Variants in PCDH15 observed in about 807,000 individuals in gnomAD.
PCDH15 encodes the protein protocadherin related 15, also known as protocadherin-15.
PCDH15 carries 129 observed loss-of-function variants against 178.5 expected under a neutral mutation model. The ratio of observed to expected loss-of-function variants is 0.72; its 90% CI spans 0.63 to 0.84. The LOEUF is 0.84. PCDH15 is among the 40% of genes least tolerant of loss of function. The pLI is 0.00. For synonymous variants in PCDH15, 800 were observed against 732.0 expected, an observed-to-expected ratio of 1.09 and a Z score of -1.50; for missense variants, 2,230 against 2,099.9, an observed-to-expected ratio of 1.06 and a Z score of -1.21.
chr10:54,256,113 G>A (rs1423321345), intron 8 of PCDH15, among the ~76,000 whole-genome samples: 1 of 152,132 alleles, frequency 6.6e-6, no homozygotes, highest in African/African-American at 2.4e-5. Context: ...CCACTGTCTT[G>A]TAAGAGCACT....
At chr10:53,979,567 C>T (rs1049752108) in intron 21 of PCDH15, among the ~76,000 whole-genome samples, 2 of 152,150 alleles carry the variant, frequency 1.3e-5, no homozygotes, top group South Asian at 2.1e-4. Context: ...TGCTAATTTT[C>T]GCATTGACAG....
At chr10:54,309,342 C>T (rs1239723164) in intron 8 of PCDH15, among the ~76,000 whole-genome samples, 4 of 151,544 alleles carry the variant, frequency 2.6e-5, no homozygotes, top group African/African-American at 9.7e-5. Flanking sequence ...CACACACACA[C>T]ACACACACAC....
chr10:54,058,919 C>T (rs2093957189), intron 18 of PCDH15, among the ~76,000 whole-genome samples: 1 of 152,092 alleles, frequency 6.6e-6, no homozygotes, highest in African/African-American at 2.4e-5. Context: ...GTCTCAAACT[C>T]CCGACCTCAG....
intron 1 of PCDH15, among the ~76,000 whole-genome samples, chr10:55,216,829 C>T (rs1318583433): frequency 6.6e-6 from 1 of 151,746 alleles, no homozygotes; most frequent in African/African-American, 2.4e-5. Context: ...GGCTGTTTTC[C>T]GTCAGGTTGT....
chr10:55,363,794 C>T (rs1039026713), intron 2 of PCDH15, among the ~76,000 whole-genome samples: 1 of 151,984 alleles, frequency 6.6e-6, no homozygotes, highest in Non-Finnish European at 1.5e-5. Flanking sequence ...CACCACCACA[C>T]CCCACTAACT....
chr10:54,607,909 T>G (rs1565729680), intron 2 of PCDH15: 2 of 524,176 alleles, frequency 3.8e-6, no homozygotes, highest in Admixed American at 4.0e-5. Context: ...ACAGTTTTTG[T>G]CTTTGAAAGT....
chr10:55,216,943 T>C (rs868267603), intron 1 of PCDH15, among the ~76,000 whole-genome samples: 29 of 151,932 alleles, frequency 1.9e-4, no homozygotes, highest in Admixed American at 1.4e-3. Context: ...ACAAACTCTT[T>C]CTGTGAATTC....
At chr10:54,863,671 G>A (rs1953887506) in intron 3 of PCDH15, among the ~76,000 whole-genome samples, 1 of 152,172 alleles carries the variant, frequency 6.6e-6, no homozygotes, top group African/African-American at 2.4e-5. Context: ...TGATCCAAGT[G>A]TTGGAAATGC....
chr10:54,574,979 G>A (rs2133662801), intron 2 of PCDH15, among the ~76,000 whole-genome samples: 1 of 149,060 alleles, frequency 6.7e-6, no homozygotes, highest in East Asian at 2.0e-4. Context: ...CATAAAAAAT[G>A]ATGAGTTCAT....
At chr10:54,792,049 G>A (rs1326573474) in intron 1 of PCDH15, among the ~76,000 whole-genome samples, 2 of 151,836 alleles carry the variant, frequency 1.3e-5, no homozygotes, top group Non-Finnish European at 2.9e-5. Context: ...AGACCTAAGG[G>A]CCAACAACAA....
At chr10:55,121,368 C>G (rs1198547849) in intron 2 of PCDH15, among the ~76,000 whole-genome samples, 1 of 135,756 alleles carries the variant, frequency 7.4e-6, no homozygotes, top group Non-Finnish European at 1.6e-5. Flanking sequence ...TGGGGGGGGG[C>G]AATTTGCCTT....
At chr10:54,992,507 C>T (rs556052046) in intron 2 of PCDH15, among the ~76,000 whole-genome samples, 256 of 152,198 alleles carry the variant, frequency 1.7e-3, no homozygotes, top group African/African-American at 5.9e-3. Flanking sequence ...AATCCCAGCA[C>T]TTTGGGAGGC....
chr10:53,888,310 G>GTATGTACATATATACGTA, intron 26 of PCDH15, among the ~76,000 whole-genome samples: 1 of 28,710 alleles, frequency 3.5e-5, no homozygotes, highest in East Asian at 1.5e-3. Flanking sequence ...ATATATATAT[G>GTATGTACATATATACGTA]TATATATGTA....
In PCDH15 at chr10:54,853,943, C is replaced by T. The variant is rs185849614; in HGVS notation, c.-29+43507G>A. ...CTTTTGCCCAAGTTTTGCTCAGGCC[C>T]GCTGGGTTCGTTTTGCCCACTTGGC... On this transcript the variant is annotated intron_variant, in intron 3 of 5. Coordinates refer to the PCDH15 transcript ENST00000458638. 1.6e-3 allele frequency among the ~76,000 whole-genome samples: 237 copies of T among 152,294 alleles called. 4 individuals are homozygous for T. The highest frequency in any genetic ancestry group is 2.9e-3 in the Non-Finnish European group (198 of 68,024).
chr10:54,655,292 G>GAGAGAGAGAGAGAGAGAC (rs1565866271), intron 2 of PCDH15, among the ~76,000 whole-genome samples: 21 of 121,134 alleles, frequency 1.7e-4, no homozygotes, highest in Non-Finnish European at 2.4e-4. Flanking sequence ...GAGAGAGAGA[G>GAGAGAGAGAGAGAGAGAC]AGAGAGAGAG....
intron 2 of PCDH15, among the ~76,000 whole-genome samples, chr10:55,382,516 A>G (rs566821789): frequency 2.0e-5 from 3 of 152,318 alleles, no homozygotes; most frequent in Admixed American, 6.5e-5. Flanking sequence ...ATGAGCTGGA[A>G]AAAGGAAAAC....
intron 1 of PCDH15, among the ~76,000 whole-genome samples, chr10:54,731,563 T>TATATATACAC: frequency 8.0e-5 from 4 of 49,926 alleles, no homozygotes; most frequent in Admixed American, 1.5e-4. Flanking sequence ...TATATATATA[T>TATATATACAC]ACACACACAC....
At chr10:55,076,764 CTT>C (rs902966495) in intron 2 of PCDH15, among the ~76,000 whole-genome samples, 20 of 106,778 alleles carry the variant, frequency 1.9e-4, no homozygotes, top group South Asian at 1.6e-3. Context: ...GGCCTGTGAC[CTT>C]TTTTTTTTTT....
chr10:53,878,215 AAT>A (rs140273411), intron 26 of PCDH15, among the ~76,000 whole-genome samples: 3,126 of 127,356 alleles, frequency 0.025, 44 homozygotes, highest in Non-Finnish European at 0.031. Flanking sequence ...ACACACTTTG[AAT>A]ATATATATAT....
Sources: gnomAD v4.1 joint callset for allele counts (sites outside exome capture counted in the v4.1 genomes callset) on GRCh38, gnomAD v4.1.1 for gene constraint, MANE v1.5 for transcripts, NCBI Gene and HGNC (gene_info 2026-07-23, HGNC 2026-07-21) for gene names.